RAB3C: variants seen among roughly 807,000 people sequenced by gnomAD.
RAB3C encodes the protein ras-related protein Rab-3C.
In RAB3C, 17 loss-of-function variants were observed where a neutral mutation model predicts 26.4. The ratio of observed to expected loss-of-function variants is 0.64; its 90% CI spans 0.44 to 0.97. RAB3C has a LOEUF of 0.97. RAB3C is among the 50% of genes least tolerant of loss of function. The probability of loss-of-function intolerance (pLI) is 0.00; values close to 1 mark genes in which losing one functional copy is unlikely to be tolerated. For missense variants in RAB3C, 242 were observed against 281.9 expected, an observed-to-expected ratio of 0.86 and a Z score of 1.01; for synonymous variants, 91 against 95.9, an observed-to-expected ratio of 0.95 and a Z score of 0.30.
At chr5:58,718,607 C>T (rs1168244189) in intron 2 of RAB3C, among the ~76,000 whole-genome samples, 1 of 151,958 alleles carries the variant, frequency 6.6e-6, no homozygotes, top group Non-Finnish European at 1.5e-5. Flanking sequence ...TATTTCAAAA[C>T]TAAACATCAT....
At chr5:58,773,480 A>C (rs1170628464) in intron 3 of RAB3C, among the ~76,000 whole-genome samples, 2 of 152,184 alleles carry the variant, frequency 1.3e-5, no homozygotes, top group Non-Finnish European at 2.9e-5. Flanking sequence ...TCTAACGGAT[A>C]GCAAAGAGTC....
At chr5:58,602,970 T>G (rs1342357307) in intron 1 of RAB3C, among the ~76,000 whole-genome samples, 3 of 152,208 alleles carry the variant, frequency 2.0e-5, no homozygotes, top group Non-Finnish European at 4.4e-5. Flanking sequence ...GTTTCAAGGT[T>G]TAGAGCTCCT....
chr5:58,653,455 C>T (rs951948667), intron 2 of RAB3C, among the ~76,000 whole-genome samples: 1 of 152,106 alleles, frequency 6.6e-6, no homozygotes, highest in Non-Finnish European at 1.5e-5. Context: ...TGGGTGTATA[C>T]CCAAAGGATT....
chr5:58,736,215 G>A (rs1741131336), intron 3 of RAB3C, among the ~76,000 whole-genome samples: 1 of 152,226 alleles, frequency 6.6e-6, no homozygotes, highest in African/African-American at 2.4e-5. Context: ...CATGGTCTAG[G>A]CCCCATCTTG....
chr5:58,748,699 T>C (rs563943696), intron 3 of RAB3C, among the ~76,000 whole-genome samples: 1 of 152,170 alleles, frequency 6.6e-6, no homozygotes, highest in Non-Finnish European at 1.5e-5. Flanking sequence ...TTAGGAAGAA[T>C]TTAGAACAAA....
At chr5:58,623,284 A>T (rs1746973198) in intron 2 of RAB3C, among the ~76,000 whole-genome samples, 1 of 152,238 alleles carries the variant, frequency 6.6e-6, no homozygotes, top group Non-Finnish European at 1.5e-5. Flanking sequence ...CCTACAGGAA[A>T]ATATTTCTGC....
intron 2 of RAB3C, among the ~76,000 whole-genome samples, chr5:58,665,606 G>A (rs548811029): frequency 1.3e-5 from 2 of 152,170 alleles, no homozygotes; most frequent in South Asian, 2.1e-4. Context: ...TTGAATTTAC[G>A]TGCTTTCATT....
Position 58,857,208 on chromosome 5 carries a change from T to C in RAB3C, c.*5857T>C, listed in dbSNP as rs1373097997. 6.6e-6 allele frequency: 1 copy of C among 152,206 alleles called. No homozygotes were observed. The highest frequency in any genetic ancestry group is 1.5e-5 in the Non-Finnish European group (1 of 68,028). The allele number at this position is 152,206 out of a possible 1,614,324, so 9.4% of individuals were successfully genotyped here. A position where few individuals can be genotyped will look rare whatever the true frequency, so the allele number is the denominator to read the frequency against. On this transcript the variant is annotated 3_prime_UTR_variant, in exon 5 of 5. Transcript: ENST00000282878. ...GTGACTTATTCAAATGATTTTCTTGTAGCTGTATTTGTCTAGTGGTGCAAT... is the reference window on the plus strand; with the variant it reads ...GTGACTTATTCAAATGATTTTCTTGCAGCTGTATTTGTCTAGTGGTGCAAT...
At chr5:58,609,008 G>A (rs1746633037) in intron 1 of RAB3C, among the ~76,000 whole-genome samples, 1 of 152,124 alleles carries the variant, frequency 6.6e-6, no homozygotes, top group South Asian at 2.1e-4. Context: ...CTTGGACTTA[G>A]GGCAGGAAAC....
chr5:58,660,743 C>A (rs569689326), intron 2 of RAB3C, among the ~76,000 whole-genome samples: 1 of 150,324 alleles, frequency 6.7e-6, no homozygotes, highest in East Asian at 1.9e-4. Context: ...CCTTGAAGCT[C>A]AAGGCTGCAG....
intron 3 of RAB3C, among the ~76,000 whole-genome samples, chr5:58,797,367 TA>T (rs1186849288): frequency 0.073 from 2,958 of 40,694 alleles, 120 homozygotes; most frequent in Non-Finnish European, 0.081. Flanking sequence ...TGTATATATA[TA>T]ATATATATAT....
intron 1 of RAB3C, among the ~76,000 whole-genome samples, chr5:58,597,213 A>ATAT (rs1385757671): frequency 0.058 from 67 of 1,158 alleles, 1 homozygote; most frequent in Non-Finnish European, 0.11. Context: ...ATACTACATA[A>ATAT]ATATTATATA....
chr5:58,682,144 A>G (rs2111842324), intron 2 of RAB3C, among the ~76,000 whole-genome samples: 1 of 152,320 alleles, frequency 6.6e-6, no homozygotes, highest in Non-Finnish European at 1.5e-5. Flanking sequence ...TGGGGTGACT[A>G]CAGACATGAC....
At chr5:58,591,815 T>A (rs1245390798) in intron 1 of RAB3C, among the ~76,000 whole-genome samples, 1 of 150,808 alleles carries the variant, frequency 6.6e-6, no homozygotes, top group East Asian at 1.9e-4. Context: ...TTTCTTTCTC[T>A]GTTTCGTTTT....
At chr5:58,743,569 C>T (rs1449843652) in intron 3 of RAB3C, among the ~76,000 whole-genome samples, 1 of 152,076 alleles carries the variant, frequency 6.6e-6, no homozygotes, top group Non-Finnish European at 1.5e-5. Context: ...CCCTTGGCCC[C>T]CAGCTCCCGA....
chr5:58,835,445 C>T (rs1301978571), intron 4 of RAB3C, among the ~76,000 whole-genome samples: 1 of 152,140 alleles, frequency 6.6e-6, no homozygotes, highest in African/African-American at 2.4e-5. Flanking sequence ...TTCCAAAGCC[C>T]CACTGTCTAT....
At chr5:58,807,951 T>A (rs1742980216) in intron 3 of RAB3C, among the ~76,000 whole-genome samples, 1 of 151,976 alleles carries the variant, frequency 6.6e-6, no homozygotes, top group Non-Finnish European at 1.5e-5. Flanking sequence ...ACTTGCCAGG[T>A]GCGGTGGCTC....
At chr5:58,731,537 G>A (rs1167332691) in intron 3 of RAB3C, among the ~76,000 whole-genome samples, 1 of 152,104 alleles carries the variant, frequency 6.6e-6, no homozygotes. Context: ...AGTTTATTGG[G>A]ACATACAGGG....
intron 3 of RAB3C, among the ~76,000 whole-genome samples, chr5:58,803,671 T>C (rs1742864984): frequency 6.6e-6 from 1 of 152,146 alleles, no homozygotes; most frequent in African/African-American, 2.4e-5. Flanking sequence ...AAAGGACCAA[T>C]CCTTGACAGA....
Sources: allele counts gnomAD v4.1 joint callset (sites outside exome capture counted in the v4.1 genomes callset), GRCh38; gene constraint gnomAD v4.1.1; transcripts MANE v1.5; gene names NCBI Gene and HGNC (gene_info 2026-07-23, HGNC 2026-07-21).